The following FRMD4B variants were observed in gnomAD, a reference collection of about 807,000 sequenced individuals.
The protein encoded by FRMD4B is FERM domain containing 4B.
FRMD4B carries 74 observed loss-of-function variants against 141.5 expected under a neutral mutation model. The observed-to-expected ratio is 0.52, with a 90% CI of 0.43 to 0.63. The LOEUF (loss-of-function observed/expected upper bound fraction) is 0.63. Ranked by LOEUF, FRMD4B falls within the 30% of genes least tolerant of loss-of-function variation. FRMD4B has a pLI of 0.00. For missense variants in FRMD4B, 1,366 were observed against 1,253.4 expected (o/e 1.09, Z -1.36); for synonymous variants, 506 against 467.9 (o/e 1.08, Z -1.05).
intron 2 of FRMD4B, among the ~76,000 whole-genome samples, chr3:69,397,970 G>T (rs1265576628): frequency 6.6e-6 from 1 of 152,130 alleles, no homozygotes; most frequent in Non-Finnish European, 1.5e-5. Flanking sequence ...TCCACAATGA[G>T]TGTGTAATAC....
At chr3:69,221,952 C>A in intron 8 of FRMD4B, 29 bp from the exon 9 acceptor site, 3 of 1,156,788 alleles carry the variant, frequency 2.6e-6, no homozygotes, top group Non-Finnish European at 3.9e-6. Context: ...AGAAGGATTG[C>A]AATGCATGAT....
At chr3:69,428,841 A>G (rs1705128257) in intron 2 of FRMD4B, among the ~76,000 whole-genome samples, 1 of 152,082 alleles carries the variant, frequency 6.6e-6, no homozygotes, top group African/African-American at 2.4e-5. Context: ...CTAAAATGTA[A>G]CTCCCCATTC....
intron 1 of FRMD4B, among the ~76,000 whole-genome samples, chr3:69,494,039 G>T (rs1706346168): frequency 6.6e-6 from 1 of 152,158 alleles, no homozygotes; most frequent in South Asian, 2.1e-4. Flanking sequence ...ACTGTACTCA[G>T]TTAATTTTTT....
intron 7 of FRMD4B, among the ~76,000 whole-genome samples, chr3:69,247,944 C>G (rs868084242): frequency 6.6e-6 from 1 of 152,022 alleles, no homozygotes; most frequent in South Asian, 2.1e-4. Context: ...CCACCGTGCC[C>G]GGCCACCCAG....
chr3:69,466,711 A>C (rs1399685756), intron 1 of FRMD4B, among the ~76,000 whole-genome samples: 1 of 152,084 alleles, frequency 6.6e-6, no homozygotes, highest in Non-Finnish European at 1.5e-5. Context: ...CTTTTCTTTT[A>C]TTTTTGAGAC....
intron 11 of FRMD4B, 71 bp downstream of exon 11, chr3:69,216,192 T>G: frequency 4.7e-6 from 4 of 845,510 alleles, no homozygotes; most frequent in Non-Finnish European, 7.8e-6. Context: ...TAATGGTGTG[T>G]GCTTTTCAAC....
intron 11 of FRMD4B, chr3:69,200,742 T>C: frequency 8.6e-7 from 1 of 1,168,018 alleles, no homozygotes; most frequent in East Asian, 5.7e-5. Flanking sequence ...GGAAGTAAGT[T>C]GCTTTGAATC....
intron 1 of FRMD4B, among the ~76,000 whole-genome samples, chr3:69,382,966 T>C (rs544288388): frequency 2.0e-5 from 3 of 152,282 alleles, no homozygotes; most frequent in African/African-American, 7.2e-5. Context: ...TTCTTTTTAC[T>C]CTGTAGGCAA....
At chr3:69,223,837 A>AAAAC (rs1488701369) in intron 8 of FRMD4B, among the ~76,000 whole-genome samples, 2 of 152,350 alleles carry the variant, frequency 1.3e-5, no homozygotes, top group South Asian at 4.1e-4. Context: ...TCAAAAAAAC[A>AAAAC]AAACAAACAA....
At chr3:69,317,686 C>A (rs1235266993) in intron 1 of FRMD4B, among the ~76,000 whole-genome samples, 1 of 127,800 alleles carries the variant, frequency 7.8e-6, no homozygotes, top group South Asian at 2.7e-4. Flanking sequence ...ACCCAGGAGG[C>A]GGAGATTGCA....
intron 19 of FRMD4B, among the ~76,000 whole-genome samples, chr3:69,186,216 T>G (rs1559694776): frequency 6.6e-6 from 1 of 151,318 alleles, no homozygotes; most frequent in South Asian, 2.1e-4. Flanking sequence ...GGTGCTATTT[T>G]TTTGAACATT....
At chr3:69,304,549 T>C (rs1701332266) in intron 3 of FRMD4B, among the ~76,000 whole-genome samples, 1 of 150,188 alleles carries the variant, frequency 6.7e-6, no homozygotes, top group African/African-American at 2.5e-5. Context: ...TCTGTATATA[T>C]ATTATGGGCT....
intron 1 of FRMD4B, among the ~76,000 whole-genome samples, chr3:69,449,282 TA>T (rs1174218985): frequency 6.6e-6 from 1 of 152,240 alleles, no homozygotes; most frequent in Non-Finnish European, 1.5e-5. Flanking sequence ...GAACTGTATT[TA>T]AAATGTCAAG....
At chr3:69,210,501 G>A (rs149802862) in intron 11 of FRMD4B, among the ~76,000 whole-genome samples, 6 of 151,704 alleles carry the variant, frequency 4.0e-5, no homozygotes, top group African/African-American at 1.2e-4. Context: ...GTTCTGGTAC[G>A]TTTTCACATT....
chr3:69,344,694 G>A lies in FRMD4B; in HGVS notation c.163-31177C>T, dbSNP rs1046676096. Among the ~76,000 whole-genome samples, 4 of 152,228 alleles carry A rather than the reference G, an allele frequency of 2.6e-5. 1 individual carries two copies. The highest frequency in any genetic ancestry group is 4.2e-4 in the South Asian group (2 of 4,818). On this transcript the variant is annotated intron_variant, in intron 1 of 22. Transcript: ENST00000398540. ...AGGATAAAGTTTCTCCTTTATAGAC[G>A]ACCAGTTTCTGGACTACTGTCCCTC...
chr3:69,230,244 G>T (rs78139165), intron 7 of FRMD4B, among the ~76,000 whole-genome samples: 1 of 152,022 alleles, frequency 6.6e-6, no homozygotes, highest in Non-Finnish European at 1.5e-5. Flanking sequence ...CCAAAGTGCT[G>T]GGATTACAGG....
In FRMD4B at chr3:69,229,028, T is replaced by TG. The variant is rs60824283; in HGVS notation, c.582-4339_582-4338insC. 8.6e-3 allele frequency among the ~76,000 whole-genome samples: 1,292 copies of TG among 149,806 alleles called. 20 individuals carry two copies. The highest frequency in any genetic ancestry group is 0.018 in the African/African-American group (747 of 40,668). On this transcript the variant is annotated intron_variant, in intron 7 of 22. Transcript: ENST00000398540. ...CCTCAAAATCATGTTTTTTTTTTTT[T>TG]TTTTGTTTTGTTTTTGAGGCTGGGT...
At chr3:69,282,856 C>T (rs563183551) in intron 5 of FRMD4B, among the ~76,000 whole-genome samples, 37 of 152,058 alleles carry the variant, frequency 2.4e-4, no homozygotes, top group Admixed American at 5.9e-4. Context: ...AGGCTGGTCA[C>T]GAACTCCTGA....
chr3:69,429,750 C>CT (rs60665985), intron 2 of FRMD4B, among the ~76,000 whole-genome samples: 1,513 of 79,400 alleles, frequency 0.019, 39 homozygotes, highest in East Asian at 0.077. Context: ...GAGACCTCTT[C>CT]TTTTTTTTTT....
Sources: gnomAD v4.1 joint callset for allele counts (sites outside exome capture counted in the v4.1 genomes callset) on GRCh38, gnomAD v4.1.1 for gene constraint, MANE v1.5 for transcripts, NCBI Gene and HGNC (gene_info 2026-07-23, HGNC 2026-07-21) for gene names.